Variants in AKIP1 observed in about 807,000 individuals in gnomAD.
AKIP1 encodes the protein A-kinase-interacting protein 1.
AKIP1 carries 18 observed loss-of-function variants against 22.3 expected under a neutral mutation model. That is an observed-to-expected ratio of 0.81 (90% CI 0.56 to 1.19). AKIP1 has a LOEUF of 1.19. Among genes scored for constraint, AKIP1 ranks in the 50% most tolerant of loss-of-function variants. The pLI is 0.00. For synonymous variants in AKIP1, 120 were observed against 102.7 expected (o/e 1.17, Z -1.02); for missense variants, 287 against 264.6 (o/e 1.08, Z -0.59).
At chr11:8,918,525 G>A (rs1239101233) in intron 5 of AKIP1, among the ~76,000 whole-genome samples, 1 of 152,106 alleles carries the variant, frequency 6.6e-6, no homozygotes, top group African/African-American at 2.4e-5. Context: ...TCTGCCTATG[G>A]CCCCTTCTCA....
At chr11:8,916,028 G>A (rs897771903) in intron 4 of AKIP1, among the ~76,000 whole-genome samples, 1 of 151,886 alleles carries the variant, frequency 6.6e-6, no homozygotes, top group African/African-American at 2.4e-5. Context: ...CGCTGTGTTA[G>A]CCAGGATGGT....
chr11:8,919,320 T>A lies in AKIP1; in HGVS notation c.490-17T>A. 1 of 1,608,224 alleles carries A rather than the reference T, an allele frequency of 6.2e-7. No individual in the cohort carries two copies. Among genetic ancestry groups the A allele is most frequent in the Non-Finnish European group, 8.5e-7 (1 of 1,178,002 alleles). ...GTATAAAATCTCTAAACTGCTAATATCCTCTTTTCCTTCTAGGCTGAGAAC... is the reference window on the plus strand; with the variant it reads ...GTATAAAATCTCTAAACTGCTAATAACCTCTTTTCCTTCTAGGCTGAGAAC... On this transcript the variant is annotated splice_polypyrimidine_tract_variant and intron_variant, in intron 5 of 5. Coordinates refer to ENST00000309377, the MANE Select transcript of AKIP1 (RefSeq NM_020642.4).
chr11:8,915,028 C>A, intron 4 of AKIP1, 98 bp downstream of exon 4: 1 of 887,588 alleles, frequency 1.1e-6, no homozygotes, highest in Non-Finnish European at 1.8e-6. Flanking sequence ...CACTGGATGC[C>A]CGTGTGACTT....
intron 3 of AKIP1, among the ~76,000 whole-genome samples, chr11:8,913,582 A>G (rs1178372755): frequency 6.6e-6 from 1 of 152,246 alleles, no homozygotes; most frequent in Non-Finnish European, 1.5e-5. Flanking sequence ...TAGGAATTAC[A>G]GCAGGCTCTG....
chr11:8,917,405 C>A, intron 5 of AKIP1, 38 bp downstream of exon 5: 1 of 1,470,528 alleles, frequency 6.8e-7, no homozygotes, highest in Non-Finnish European at 9.5e-7. Context: ...GTTTCACCAC[C>A]GTTGCAACTC....
In AKIP1 at chr11:8,911,518, G is replaced by C; in HGVS notation, c.69G>C (p.Arg23Ser). The C allele has an allele frequency of 6.2e-7, 1 of 1,609,562 alleles. No individual in the cohort carries two copies. Among genetic ancestry groups the C allele is most frequent in the Non-Finnish European group, 8.5e-7 (1 of 1,178,262 alleles). ...VDRRSLQRSA[R>S]LALEVLERAK... The stretch of plus-strand genomic sequence containing the variant: ...GACGTTCCCTGCAGCGTTCAGCAAG[G>C]CTGGCTCTAGAAGTGCTGGAGAGGG... Residue 23 changes from arginine to serine, a missense_variant, in exon 2 of 6, where the codon AGG becomes AGC. Physicochemically the swap from Arg to Ser is moderately radical, Grantham distance 110. Transcript: ENST00000309377.
At chr11:8,916,019 G>C (rs1036207535) in intron 4 of AKIP1, among the ~76,000 whole-genome samples, 1 of 151,540 alleles carries the variant, frequency 6.6e-6, no homozygotes. Context: ...ACGGGGTTTC[G>C]CTGTGTTAGC....
chr11:8,919,622 C>G lies in AKIP1; in HGVS notation c.*142C>G, dbSNP rs976647703. On this transcript the variant is annotated 3_prime_UTR_variant, in exon 6 of 6. Transcript: ENST00000309377. ...TCCGGGAACTGGAGTCTGTCTCTTT[C>G]AGTGCTTTTTTGTTTGTTTGGTTGG... 1.8e-5 allele frequency: 17 copies of G among 920,576 alleles called. No individual in the cohort carries two copies. The highest frequency in any genetic ancestry group is 8.6e-5 in the South Asian group (5 of 58,030). 57.0% of individuals were successfully genotyped at this position (920,576 alleles called of 1,614,324 possible). A position where few individuals can be genotyped will look rare whatever the true frequency, so the allele number is the denominator to read the frequency against.
At chr11:8,917,176 G>GA in intron 4 of AKIP1, 111 bp from the exon 5 acceptor site, 1 of 664,206 alleles carries the variant, frequency 1.5e-6, no homozygotes, top group Non-Finnish European at 2.5e-6. Context: ...TGACAACTTA[G>GA]AAAAAGCTGA....
intron 1 of AKIP1, 25 bp from the exon 2 acceptor site, chr11:8,911,419 G>A (rs1589908889): frequency 1.3e-6 from 2 of 1,547,724 alleles, no homozygotes; most frequent in Non-Finnish European, 1.7e-6. Context: ...ACCCGCCGGC[G>A]TTTGTACGTT....
In AKIP1 at chr11:8,911,624, C is replaced by G. The variant is rs745961097; in HGVS notation, c.175C>G (p.Leu59Val). 2 of 1,594,534 alleles carry G rather than the reference C, an allele frequency of 1.3e-6. No homozygotes were observed. Among genetic ancestry groups the G allele is most frequent in the Non-Finnish European group, 8.5e-7 (1 of 1,171,832 alleles). ...GGTCCTTGCCCGGGAGGCGCCCCAC[C>G]TAGAGAAACAGCCGGCAGCCGGCCC... ...MGVLAREAPH[L>V]EKQPAAGPQR... Residue 59 changes from leucine (L) to valine (V), a missense_variant, in exon 2 of 6, where the codon CTA becomes GTA. Transcript: ENST00000309377.
intron 4 of AKIP1, among the ~76,000 whole-genome samples, chr11:8,915,347 A>ATTTTTTTTTC (rs2064463968): frequency 7.6e-5 from 8 of 105,134 alleles, no homozygotes; most frequent in Non-Finnish European, 1.3e-4. Context: ...TAGGGATAGG[A>ATTTTTTTTTC]TTTTTTTTTT....
At chr11:8,912,749 T>C (rs775623992) in intron 3 of AKIP1, among the ~76,000 whole-genome samples, 1 of 151,956 alleles carries the variant, frequency 6.6e-6, no homozygotes, top group Non-Finnish European at 1.5e-5. Flanking sequence ...TAGCTGACAA[T>C]ATAGCAATGA....
Position 8,917,345 on chromosome 11 carries a change from A to G in AKIP1, c.467A>G (p.His156Arg), listed in dbSNP as rs573447095. 5.0e-6 allele frequency: 8 copies of G among 1,613,734 alleles called. No individual in the cohort carries two copies. Among genetic ancestry groups the G allele is most frequent in the South Asian group, 1.1e-5 (1 of 91,018 alleles). Reference protein sequence around the residue: ...GPGGSYQISEHAPEASQPAEN... With the variant: ...GPGGSYQISERAPEASQPAEN... ...GGAGGCAGCTATCAAATATCAGAGCATGCTCCAGAGGCATCCCAGCCTGTG... is the reference window on the plus strand; with the variant it reads ...GGAGGCAGCTATCAAATATCAGAGCGTGCTCCAGAGGCATCCCAGCCTGTG... The change falls in exon 5 of 6, where the codon CAT becomes CGT. Residue 156 changes from histidine (H) to arginine (R), a missense_variant. Coordinates refer to ENST00000309377, the MANE Select transcript of AKIP1 (RefSeq NM_020642.4).
chr11:8,914,781 A>G, intron 3 of AKIP1, 45 bp from the exon 4 acceptor site: 1 of 1,496,580 alleles, frequency 6.7e-7, no homozygotes. Context: ...TGAAAATTTG[A>G]CAAGACAATT....
In AKIP1 at chr11:8,917,375, C is replaced by A. The variant is rs375871268; in HGVS notation, c.489+8C>A. The A allele has an allele frequency of 2.5e-6, 4 of 1,611,208 alleles. No individual in the cohort carries two copies. The highest frequency in any genetic ancestry group is 3.4e-6 in the Non-Finnish European group (4 of 1,177,780). On this transcript the variant is annotated splice_region_variant and intron_variant, in intron 5 of 5. Coordinates refer to ENST00000309377, the MANE Select transcript of AKIP1 (RefSeq NM_020642.4). Reference sequence around the variant, plus strand: ...CCAGAGGCATCCCAGCCTGTGAGTACGGAACTGCTTACGCACTGGGTTTCA... The same window carrying A: ...CCAGAGGCATCCCAGCCTGTGAGTAAGGAACTGCTTACGCACTGGGTTTCA...
rs1461989751 is a variant in AKIP1 at position 8,919,362 on chromosome 11, A to C, written c.515A>C (p.Tyr172Ser). 1 of 1,614,078 alleles carries C rather than the reference A, an allele frequency of 6.2e-7. No individual in the cohort carries two copies. The highest frequency in any genetic ancestry group is 2.2e-5 in the East Asian group (1 of 44,874). Residue 172 changes from tyrosine to serine, a missense_variant, in exon 6 of 6, where the codon TAC becomes TCC. Physicochemically the swap from Tyr to Ser is moderately radical, Grantham distance 144. Transcript: ENST00000309377. ...GCTGAGAACATCTCTAAGGACCTCT[A>C]CATAGAAGTATATCCAGGGACCTAT... ...QPAENISKDLYIEVYPGTYSV... is the reference protein window; with the variant it reads ...QPAENISKDLSIEVYPGTYSV...
chr11:8,914,964 C>T (rs777259434), intron 4 of AKIP1, 34 bp downstream of exon 4: 3 of 1,532,946 alleles, frequency 2.0e-6, no homozygotes, highest in African/African-American at 1.4e-5. Flanking sequence ...ACCATGCCTT[C>T]AGTCTACCAA....
rs777961183 is a variant in AKIP1 at position 8,911,590 on chromosome 11, C to T, written c.141C>T (p.Gly47=). The T allele has an allele frequency of 6.2e-7, 1 of 1,609,328 alleles. No individual in the cohort carries two copies. Among genetic ancestry groups the T allele is most frequent in the South Asian group, 1.1e-5 (1 of 89,862 alleles). The change falls in exon 2 of 6, where the codon GGC becomes GGT. Residue 47 remains glycine, a synonymous_variant. Transcript: ENST00000309377. ...VDWHALERPK[G]CMGVLAREAP... is the part of the protein sequence containing the mutation. The stretch of plus-strand genomic sequence containing the variant: ...GGCATGCCCTGGAGCGTCCCAAAGG[C>T]TGCATGGGGGTCCTTGCCCGGGAGG...
Sources: allele counts gnomAD v4.1 joint callset (sites outside exome capture counted in the v4.1 genomes callset), GRCh38; gene constraint gnomAD v4.1.1; transcripts MANE v1.5; gene names NCBI Gene and HGNC (gene_info 2026-07-23, HGNC 2026-07-21).